GLYR1: variants seen among roughly 807,000 people sequenced by gnomAD.
The protein encoded by GLYR1 is cytokine-like nuclear factor N-PAC.
In GLYR1, 21 loss-of-function variants were observed where a neutral mutation model predicts 72.7. The ratio of observed to expected loss-of-function variants is 0.29; its 90% confidence interval spans 0.20 to 0.42. GLYR1 has a LOEUF of 0.42. Among genes scored for constraint, GLYR1 ranks in the 10% least tolerant of loss-of-function variants. The pLI is 1.00. For synonymous variants in GLYR1, 392 were observed against 270.2 expected (o/e 1.45, Z -4.42); for missense variants, 594 against 712.1 (o/e 0.83, Z 1.89).
At chr16:4,828,391 A>T (rs2142005052) in intron 5 of GLYR1, among the ~76,000 whole-genome samples, 1 of 152,242 alleles carries the variant, frequency 6.6e-6, no homozygotes, top group East Asian at 1.9e-4. Context: ...TTTTAAAAAG[A>T]CATATTGCTA....
At chr16:4,843,350 T>C in intron 3 of GLYR1, 1 of 480,974 alleles carries the variant, frequency 2.1e-6, no homozygotes, top group Non-Finnish European at 3.0e-6. Flanking sequence ...AGACGGGGTT[T>C]TGCCATGTTG....
At chr16:4,832,593 G>T (rs951665724) in intron 4 of GLYR1, 181 bp downstream of exon 4, 1 of 728,154 alleles carries the variant, frequency 1.4e-6, no homozygotes, top group Admixed American at 3.1e-5. Context: ...ACTCCAGAAA[G>T]GTTAGCTGCA....
chr16:4,805,218 G>T lies in GLYR1; in HGVS notation c.*18C>A. The T allele has an allele frequency of 4.3e-6, 7 of 1,612,006 alleles. No individual in the cohort carries two copies. Among genetic ancestry groups the T allele is most frequent in the Non-Finnish European group, 5.9e-6 (7 of 1,178,398 alleles). On this transcript the variant is annotated 3_prime_UTR_variant, in exon 16 of 16. Transcript: ENST00000321919. ...GTCAGAGGGGGGATTGGAGGGGTGA[G>T]GGCGGGGTGTCGACAGCTTAGTGTA...
At chr16:4,842,168 C>G (rs920013117) in intron 3 of GLYR1, among the ~76,000 whole-genome samples, 14 of 150,318 alleles carry the variant, frequency 9.3e-5, no homozygotes, top group African/African-American at 3.2e-4. Flanking sequence ...GGCATGAACC[C>G]GGGAGGTGGA....
In GLYR1 at chr16:4,832,920, A is replaced by G; in HGVS notation, c.156-8T>C. ...TCCACTTTGATCCAGGCACTAGCAG[A>G]AAACAAACACAAAAAGGGTGTGAAC... On this transcript the variant is annotated splice_region_variant and splice_polypyrimidine_tract_variant and intron_variant, in intron 3 of 15. Coordinates refer to ENST00000321919, the MANE Select transcript of GLYR1 (RefSeq NM_032569.4). 1 of 1,607,910 alleles carries G rather than the reference A, an allele frequency of 6.2e-7. No homozygotes were observed. The highest frequency in any genetic ancestry group is 1.1e-5 in the South Asian group (1 of 89,640).
intron 3 of GLYR1, among the ~76,000 whole-genome samples, chr16:4,838,086 T>TA (rs995582416): frequency 5.9e-5 from 9 of 151,812 alleles, no homozygotes; most frequent in South Asian, 2.1e-4. Flanking sequence ...GGTGCCTTTT[T>TA]AAAAAAAATC....
intron 10 of GLYR1, among the ~76,000 whole-genome samples, chr16:4,816,988 G>A (rs571434039): frequency 2.1e-4 from 31 of 150,738 alleles, no homozygotes; most frequent in African/African-American, 7.3e-4. Context: ...TCTGTTGCCA[G>A]GCTGGAGTGC....
chr16:4,837,406 G>C (rs1012391103), intron 3 of GLYR1, among the ~76,000 whole-genome samples: 2 of 151,582 alleles, frequency 1.3e-5, no homozygotes, highest in South Asian at 2.1e-4. Context: ...ACTCCAGCAT[G>C]GGCGACAGAG....
At chr16:4,831,616 C>T (rs2084803878) in intron 5 of GLYR1, among the ~76,000 whole-genome samples, 1 of 152,242 alleles carries the variant, frequency 6.6e-6, no homozygotes, top group Non-Finnish European at 1.5e-5. Flanking sequence ...CCTCGCGCTC[C>T]TACTTTACAC....
chr16:4,835,491 A>G (rs2085069855), intron 3 of GLYR1, among the ~76,000 whole-genome samples: 1 of 152,216 alleles, frequency 6.6e-6, no homozygotes, highest in Admixed American at 6.5e-5. Context: ...TTAAGGAATC[A>G]ACTTATTGCT....
intron 1 of GLYR1, among the ~76,000 whole-genome samples, chr16:4,846,457 T>A (rs2086076380): frequency 6.6e-6 from 1 of 152,248 alleles, no homozygotes; most frequent in Admixed American, 6.5e-5. Flanking sequence ...AAGTCACTTG[T>A]CTAGAGCTTC....
intron 9 of GLYR1, 198 bp from the exon 10 acceptor site, chr16:4,817,895 C>G: frequency 1.8e-6 from 1 of 563,266 alleles, no homozygotes; most frequent in East Asian, 3.0e-5. Context: ...TGGTCTAAAG[C>G]TGTCCCAGGA....
At chr16:4,817,540 A>G (rs1596327854) in intron 10 of GLYR1, 58 bp downstream of exon 10, 2 of 1,007,448 alleles carry the variant, frequency 2.0e-6, no homozygotes, top group East Asian at 4.8e-5. Context: ...GGAGATGTCC[A>G]CTCTTAGGGT....
At chr16:4,815,362 T>C (rs1449603083) in intron 10 of GLYR1, among the ~76,000 whole-genome samples, 1 of 152,158 alleles carries the variant, frequency 6.6e-6, no homozygotes, top group Non-Finnish European at 1.5e-5. Context: ...TGTTTATGAT[T>C]CACATTTATC....
At chr16:4,822,230 G>C (rs891438521) in intron 7 of GLYR1, among the ~76,000 whole-genome samples, 1 of 152,188 alleles carries the variant, frequency 6.6e-6, no homozygotes, top group Non-Finnish European at 1.5e-5. Flanking sequence ...GGGATTACAG[G>C]AATGCACCAC....
At chr16:4,810,118 G>A (rs1281858580) in intron 15 of GLYR1, among the ~76,000 whole-genome samples, 1 of 151,924 alleles carries the variant, frequency 6.6e-6, no homozygotes, top group African/African-American at 2.4e-5. Context: ...ACGGATTAGT[G>A]GACATTTAAA....
At chr16:4,831,120 G>A (rs1340914830) in intron 5 of GLYR1, among the ~76,000 whole-genome samples, 4 of 152,100 alleles carry the variant, frequency 2.6e-5, no homozygotes, top group African/African-American at 9.7e-5. Context: ...GAATGAAGAT[G>A]GAAATCCTCT....
intron 14 of GLYR1, 34 bp downstream of exon 14, chr16:4,811,589 C>T: frequency 1.2e-6 from 2 of 1,611,412 alleles, no homozygotes; most frequent in Non-Finnish European, 1.7e-6. Context: ...TAATCAAACA[C>T]CAAATGCAAG....
At chr16:4,823,954 A>T (rs1415547129) in intron 5 of GLYR1, 47 bp from the exon 6 acceptor site, 1 of 1,465,632 alleles carries the variant, frequency 6.8e-7, no homozygotes, top group African/African-American at 1.4e-5. Context: ...TCAAACCCCA[A>T]CAAAACCCCT....
Sources: gnomAD v4.1 joint callset for allele counts (sites outside exome capture counted in the v4.1 genomes callset) on GRCh38, gnomAD v4.1.1 for gene constraint, MANE v1.5 for transcripts, NCBI Gene and HGNC (gene_info 2026-07-23, HGNC 2026-07-21) for gene names.